The following PACRG variants were observed in gnomAD, a reference collection of about 807,000 sequenced individuals.
The protein encoded by PACRG is parkin coregulated, also known as parkin coregulated gene protein.
A neutral mutation model predicts 29.7 loss-of-function variants in PACRG; 29 were observed. The ratio of observed to expected loss-of-function variants is 0.98; its 90% CI spans 0.73 to 1.33. The LOEUF is 1.33. Among genes scored for constraint, PACRG ranks in the 40% most tolerant of loss-of-function variants. The pLI is 0.00. For missense variants in PACRG, 279 were observed against 316.2 expected, an observed-to-expected ratio of 0.88 and a Z score of 0.89; for synonymous variants, 116 against 118.7, an observed-to-expected ratio of 0.98 and a Z score of 0.15.
chr6:162,807,995 A>T (rs977572857), intron 1 of PACRG, among the ~76,000 whole-genome samples: 9 of 152,206 alleles, frequency 5.9e-5, no homozygotes, highest in African/African-American at 1.9e-4. Flanking sequence ...ACTTGGTATT[A>T]TGAGCTCATT....
At chr6:162,900,699 C>G (rs1171628481) in intron 2 of PACRG, among the ~76,000 whole-genome samples, 2 of 152,182 alleles carry the variant, frequency 1.3e-5, no homozygotes, top group African/African-American at 4.8e-5. Context: ...CCCGCCATCC[C>G]CCAAGCGTGC....
chr6:163,127,578 T>C (rs559557168), intron 4 of PACRG, among the ~76,000 whole-genome samples: 8 of 152,182 alleles, frequency 5.3e-5, no homozygotes, highest in African/African-American at 1.7e-4. Context: ...ACACCCTCAA[T>C]TGGATTAATT....
At chr6:163,190,188 C>T (rs141413552) in intron 4 of PACRG, 1 of 152,296 alleles carries the variant, frequency 6.6e-6, no homozygotes, top group African/African-American at 2.4e-5. Flanking sequence ...CCATCGGTGA[C>T]TCATTAGGAC....
At chr6:163,033,589 T>C (rs1413098075) in intron 2 of PACRG, among the ~76,000 whole-genome samples, 3 of 152,266 alleles carry the variant, frequency 2.0e-5, no homozygotes, top group Non-Finnish European at 4.4e-5. Flanking sequence ...AATATTTGAT[T>C]TAAGTGCTTA....
chr6:162,810,247 T>A (rs1786730177), intron 1 of PACRG, among the ~76,000 whole-genome samples: 1 of 152,128 alleles, frequency 6.6e-6, no homozygotes, highest in Non-Finnish European at 1.5e-5. Context: ...AGACGCCAAG[T>A]AGAGTAATGA....
intron 3 of PACRG, among the ~76,000 whole-genome samples, chr6:163,068,911 C>A (rs1216737750): frequency 6.6e-6 from 1 of 151,910 alleles, no homozygotes; most frequent in Non-Finnish European, 1.5e-5. Flanking sequence ...TTCTTTTTGG[C>A]TTCCTGACTT....
chr6:163,112,131 C>T (rs1049061046), intron 4 of PACRG: 2 of 702,988 alleles, frequency 2.8e-6, no homozygotes, highest in African/African-American at 3.9e-5. Flanking sequence ...CAGGCATCTG[C>T]CTCCCTACCT....
intron 4 of PACRG, chr6:163,100,700 A>T: frequency 1.3e-6 from 1 of 785,142 alleles, no homozygotes; most frequent in Non-Finnish European, 1.5e-6. Flanking sequence ...TGTTCCTCTT[A>T]GTATGAAATC....
At chr6:163,217,268 A>G (rs1781399398) in intron 4 of PACRG, among the ~76,000 whole-genome samples, 1 of 152,232 alleles carries the variant, frequency 6.6e-6, no homozygotes, top group Non-Finnish European at 1.5e-5. Context: ...GCAAGCACCA[A>G]AGGAAAGCTC....
At position 163,025,646 on chromosome 6, in the gene PACRG, A is replaced by C. The variant is rs1755167224; in HGVS notation, c.292-36504A>C. On this transcript the variant is annotated intron_variant, in intron 2 of 4. Coordinates refer to ENST00000366888, the MANE Select transcript of PACRG (RefSeq NM_001080379.2). ...ATTGGCTGCAAATATTAAACCCAGC[A>C]TAGTTAGGATTTATTTTCCTTTTGA... Among the ~76,000 whole-genome samples, 3 of 152,244 alleles carry C rather than the reference A, an allele frequency of 2.0e-5. No individual in the cohort carries two copies. In the South Asian group the frequency reaches 6.2e-4, roughly 31 times the overall value.
At chr6:162,886,877 A>G (rs2128030550) in intron 2 of PACRG, among the ~76,000 whole-genome samples, 1 of 152,300 alleles carries the variant, frequency 6.6e-6, no homozygotes, top group Non-Finnish European at 1.5e-5. Flanking sequence ...GACGTTATCC[A>G]TACAATAATT....
intron 3 of PACRG, among the ~76,000 whole-genome samples, chr6:163,065,499 A>C (rs914683874): frequency 6.6e-6 from 1 of 152,294 alleles, no homozygotes. Context: ...GCCAAGAGCA[A>C]CCAGCAAACT....
Position 163,004,375 on chromosome 6 carries a change from C to T in PACRG, c.292-57775C>T, listed in dbSNP as rs1015122291. ...ATAAAAGAAAGATGTTTAATTGACTCATAGTTCAACATGCTGGGGTTGGCC... is the reference window on the plus strand; with the variant it reads ...ATAAAAGAAAGATGTTTAATTGACTTATAGTTCAACATGCTGGGGTTGGCC... On this transcript the variant is annotated intron_variant, in intron 2 of 4. Coordinates refer to ENST00000366888, the MANE Select transcript of PACRG (RefSeq NM_001080379.2). Among the ~76,000 whole-genome samples the T allele has an allele frequency of 3.9e-5, 6 of 151,974 alleles. No individual in the cohort carries two copies. In the South Asian group the frequency reaches 8.3e-4, roughly 21 times the overall value.
chr6:162,982,241 G>A (rs1802499120), intron 2 of PACRG, among the ~76,000 whole-genome samples: 1 of 151,984 alleles, frequency 6.6e-6, no homozygotes, highest in African/African-American at 2.4e-5. Context: ...TCTTTACAAA[G>A]AACCAGCTTT....
At chr6:162,727,671 T>G (rs1584139955), upstream of PACRG, 1 of 1,582,368 alleles carries the variant, frequency 6.3e-7, no homozygotes. Context: ...CCTATCATGG[T>G]CACTGGGTAG....
chr6:163,043,486 A>G (rs1319597505), intron 2 of PACRG, among the ~76,000 whole-genome samples: 3 of 152,080 alleles, frequency 2.0e-5, no homozygotes, highest in Admixed American at 1.3e-4. Flanking sequence ...CAGGAGGCGG[A>G]GCTTGCAGTG....
chr6:163,073,837 G>A (rs1043023550), intron 3 of PACRG, among the ~76,000 whole-genome samples: 4 of 152,154 alleles, frequency 2.6e-5, no homozygotes, highest in Non-Finnish European at 5.9e-5. Flanking sequence ...AAAGGTTCTC[G>A]ACATAATTGA....
At chr6:163,259,054 C>T (rs1783224049) in intron 4 of PACRG, among the ~76,000 whole-genome samples, 1 of 152,140 alleles carries the variant, frequency 6.6e-6, no homozygotes, top group South Asian at 2.1e-4. Flanking sequence ...GGTCATGGGG[C>T]AGCATTATTA....
chr6:163,113,801 A>C (rs964989389), intron 4 of PACRG, among the ~76,000 whole-genome samples: 1 of 152,226 alleles, frequency 6.6e-6, no homozygotes, highest in Non-Finnish European at 1.5e-5. Context: ...GCTTGAAGCC[A>C]TATGTAGAAA....
Sources: gnomAD v4.1 joint callset for allele counts (sites outside exome capture counted in the v4.1 genomes callset) on GRCh38, gnomAD v4.1.1 for gene constraint, MANE v1.5 for transcripts, NCBI Gene and HGNC (gene_info 2026-07-23, HGNC 2026-07-21) for gene names.